Variants in TCP11L1 observed in about 807,000 individuals in gnomAD.
TCP11L1 encodes the protein T-complex protein 11-like protein 1.
TCP11L1 carries 28 observed loss-of-function variants against 48.9 expected under a neutral mutation model. That is an observed-to-expected ratio of 0.57 (90% CI 0.42 to 0.78). The LOEUF (loss-of-function observed/expected upper bound fraction) is 0.78, where lower values mean the gene tolerates loss of function less well. Among genes scored for constraint, TCP11L1 ranks in the 30% least tolerant of loss-of-function variants. The pLI is 0.00. For missense variants in TCP11L1, 505 were observed against 613.4 expected (o/e 0.82, Z 1.87); for synonymous variants, 204 against 231.9 (o/e 0.88, Z 1.09).
intron 8 of TCP11L1, among the ~76,000 whole-genome samples, chr11:33,066,563 C>G (rs1164589366): frequency 6.6e-6 from 1 of 152,004 alleles, no homozygotes; most frequent in African/African-American, 2.4e-5. Flanking sequence ...GCCCTCCATT[C>G]CCTGTTAGCA....
chr11:33,071,925 AACCTCC>A (rs1226996311), intron 9 of TCP11L1, among the ~76,000 whole-genome samples: 1 of 152,044 alleles, frequency 6.6e-6, no homozygotes, highest in African/African-American at 2.4e-5. Context: ...AGCTCACTGT[AACCTCC>A]ACCTCCTGGG....
intron 9 of TCP11L1, among the ~76,000 whole-genome samples, chr11:33,071,543 G>A (rs1854790350): frequency 1.3e-5 from 2 of 152,198 alleles, no homozygotes; most frequent in African/African-American, 4.8e-5. Context: ...ATACACAAGA[G>A]TACAAAAGCA....
At chr11:33,045,162 C>T (rs1477085912) in intron 2 of TCP11L1, among the ~76,000 whole-genome samples, 2 of 151,864 alleles carry the variant, frequency 1.3e-5, no homozygotes, top group African/African-American at 4.8e-5. Flanking sequence ...CAAGACCAGC[C>T]TAGGCAACAT....
At chr11:33,047,385 A>G (rs1227201390) in intron 2 of TCP11L1, among the ~76,000 whole-genome samples, 1 of 152,206 alleles carries the variant, frequency 6.6e-6, no homozygotes, top group Non-Finnish European at 1.5e-5. Flanking sequence ...TAACTTAACA[A>G]TGTTTTCTCT....
At chr11:33,058,680 C>T (rs773000997) in intron 5 of TCP11L1, among the ~76,000 whole-genome samples, 52 of 152,170 alleles carry the variant, frequency 3.4e-4, no homozygotes, top group Admixed American at 9.8e-4. Flanking sequence ...TAATTTCCTT[C>T]AACATTTTCT....
intron 8 of TCP11L1, 46 bp downstream of exon 8, chr11:33,066,057 G>A (rs771941113): frequency 3.1e-5 from 49 of 1,600,722 alleles, no homozygotes; most frequent in Non-Finnish European, 3.6e-5. Context: ...GGATGTCAGA[G>A]AGCCGACTGG....
At position 33,067,677 on chromosome 11, in the gene TCP11L1, G is replaced by A. The variant is rs1409891331; in HGVS notation, c.1155-1010G>A. Among the ~76,000 whole-genome samples the A allele has an allele frequency of 5.9e-5, 9 of 152,152 alleles. No homozygotes were observed. The South Asian group carries it at 1.7e-3, about 28-fold the overall frequency. ...ATCCTCCCTGGTCCTCCAGGGGTGG[G>A]CACAGAGCTGGTGCCAATGGTGAGT... On this transcript the variant is annotated intron_variant, in intron 8 of 9. Transcript: ENST00000334274.
chr11:33,059,512 ATCT>A (rs1164950111), intron 6 of TCP11L1, among the ~76,000 whole-genome samples: 1 of 152,174 alleles, frequency 6.6e-6, no homozygotes, highest in Non-Finnish European at 1.5e-5. Flanking sequence ...GGATGCATAA[ATCT>A]TCTTGTTTCA....
At chr11:33,058,164 C>G (rs1854365399) in intron 5 of TCP11L1, 25 bp downstream of exon 5, 1 of 1,573,252 alleles carries the variant, frequency 6.4e-7, no homozygotes, top group African/African-American at 1.4e-5. Context: ...TAATCATACT[C>G]CGTGCAACTA....
intron 9 of TCP11L1, 105 bp from the exon 10 acceptor site, chr11:33,072,369 G>A: frequency 1.7e-6 from 2 of 1,186,582 alleles, no homozygotes; most frequent in Non-Finnish European, 2.5e-6. Context: ...TATTGATCGG[G>A]GACAACTTCC....
chr11:33,056,616 G>A (rs1328158148), intron 3 of TCP11L1: 2 of 212,692 alleles, frequency 9.4e-6, no homozygotes, highest in African/African-American at 2.4e-5. Context: ...AGGCTGGAGT[G>A]TAGTGGCACT....
chr11:33,065,142 G>A (rs975937855), intron 7 of TCP11L1, among the ~76,000 whole-genome samples: 4 of 152,176 alleles, frequency 2.6e-5, no homozygotes, highest in African/African-American at 9.7e-5. Context: ...TTTATTTATC[G>A]AGTGCTGGCT....
At chr11:33,053,679 T>C (rs181764541) in intron 2 of TCP11L1, among the ~76,000 whole-genome samples, 100 of 152,350 alleles carry the variant, frequency 6.6e-4, no homozygotes, top group Admixed American at 2.7e-3. Context: ...TAGAAAATTC[T>C]TGTGTCACAC....
chr11:33,065,130 C>T (rs921196850), intron 7 of TCP11L1, among the ~76,000 whole-genome samples: 1 of 152,230 alleles, frequency 6.6e-6, no homozygotes, highest in African/African-American at 2.4e-5. Context: ...ATAAGTATAA[C>T]TTTTATTTAT....
intron 2 of TCP11L1, 66 bp downstream of exon 2, chr11:33,044,002 C>G: frequency 6.9e-7 from 1 of 1,452,222 alleles, no homozygotes; most frequent in Non-Finnish European, 9.2e-7. Flanking sequence ...TTTTATGAGG[C>G]CTCCTTGTGC....
At chr11:33,043,685 C>T (rs1337970775) in intron 1 of TCP11L1, 65 bp from the exon 2 acceptor site, 14 of 1,386,576 alleles carry the variant, frequency 1.0e-5, no homozygotes, top group Non-Finnish European at 1.4e-5. Flanking sequence ...CCCTGAGTCA[C>T]ATTGCTAGTT....
chr11:33,068,108 G>A (rs1326048675), intron 8 of TCP11L1, among the ~76,000 whole-genome samples: 1 of 151,964 alleles, frequency 6.6e-6, no homozygotes, highest in African/African-American at 2.4e-5. Context: ...TAGTAGAGAT[G>A]GGGTTTCACC....
At chr11:33,039,995 G>T (rs1853781130) in intron 1 of TCP11L1, 1 of 152,302 alleles carries the variant, frequency 6.6e-6, no homozygotes, top group African/African-American at 2.4e-5. Flanking sequence ...CCCTACTCCC[G>T]GCCCTGCCAC....
chr11:33,057,252 A>G lies in TCP11L1; in HGVS notation c.417+17A>G, dbSNP rs766284179. ...ATCAAAGAGGTGAGGCAAAGAGTGA[A>G]TTGTGATGCTTTTCTGGTGTGTTAG... is the stretch of plus-strand genomic sequence containing the variant. On this transcript the variant is annotated intron_variant, in intron 4 of 9. Coordinates refer to ENST00000334274, the MANE Select transcript of TCP11L1 (RefSeq NM_018393.4). The G allele has an allele frequency of 6.2e-7, 1 of 1,614,084 alleles. No homozygotes were observed. The highest frequency in any genetic ancestry group is 8.5e-7 in the Non-Finnish European group (1 of 1,179,980).
Sources: allele counts gnomAD v4.1 joint callset (sites outside exome capture counted in the v4.1 genomes callset), GRCh38; gene constraint gnomAD v4.1.1; transcripts MANE v1.5; gene names NCBI Gene and HGNC (gene_info 2026-07-23, HGNC 2026-07-21).